Variants in RBFOX1 observed in about 807,000 individuals in gnomAD.
The protein encoded by RBFOX1 is RNA binding protein fox-1 homolog 1.
RBFOX1 carries 8 observed loss-of-function variants against 57.7 expected under a neutral mutation model. That is an observed-to-expected ratio of 0.14 (90% CI 0.08 to 0.25). The LOEUF is 0.25. RBFOX1 is among the 10% of genes least tolerant of loss of function. The probability of loss-of-function intolerance (pLI) is 1.00; values close to 1 mark genes in which losing one functional copy is unlikely to be tolerated. For missense variants in RBFOX1, 611 were observed against 548.5 expected, an observed-to-expected ratio of 1.11 and a Z score of -1.14; for synonymous variants, 326 against 222.4, an observed-to-expected ratio of 1.47 and a Z score of -4.15.
chr16:5,634,345 C>G (rs1386842897), intron 3 of RBFOX1, among the ~76,000 whole-genome samples: 3 of 152,108 alleles, frequency 2.0e-5, no homozygotes, highest in Admixed American at 6.5e-5. Flanking sequence ...AATTAAAGTA[C>G]TGATACAAGT....
At chr16:6,900,634 C>T (rs1171706949) in intron 3 of RBFOX1, among the ~76,000 whole-genome samples, 2 of 152,188 alleles carry the variant, frequency 1.3e-5, no homozygotes, top group African/African-American at 2.4e-5. Context: ...TTCCCTCTGC[C>T]TGGAATTCTA....
At chr16:7,314,286 C>T (rs866905616) in intron 4 of RBFOX1, among the ~76,000 whole-genome samples, 45 of 152,184 alleles carry the variant, frequency 3.0e-4, no homozygotes, top group African/African-American at 9.9e-4. Flanking sequence ...TTATACACCC[C>T]GCACCACTGC....
chr16:6,961,145 C>CACATACACACACACACACACA, intron 3 of RBFOX1, among the ~76,000 whole-genome samples: 1 of 143,772 alleles, frequency 7.0e-6, no homozygotes, highest in East Asian at 2.0e-4. Context: ...TCACACACAC[C>CACATACACACACACACACACA]CACACAGACA....
chr16:6,944,581 G>A (rs2079137019), intron 3 of RBFOX1, among the ~76,000 whole-genome samples: 1 of 152,086 alleles, frequency 6.6e-6, no homozygotes, highest in Non-Finnish European at 1.5e-5. Context: ...TACATTAAGA[G>A]ACTGGGTCTC....
At chr16:6,002,499 ATCT>A (rs1402105094) in intron 4 of RBFOX1, among the ~76,000 whole-genome samples, 3 of 152,162 alleles carry the variant, frequency 2.0e-5, no homozygotes, top group African/African-American at 7.2e-5. Flanking sequence ...AAAACAGGAA[ATCT>A]TCTTTGCCCA....
intron 4 of RBFOX1, among the ~76,000 whole-genome samples, chr16:5,897,379 T>C (rs1421733732): frequency 2.0e-5 from 3 of 152,192 alleles, no homozygotes; most frequent in Non-Finnish European, 4.4e-5. Context: ...TCTGCTTTCT[T>C]TTCTCTGCAT....
intron 1 of RBFOX1, among the ~76,000 whole-genome samples, chr16:5,443,638 C>T (rs1236942685): frequency 1.3e-5 from 2 of 152,194 alleles, no homozygotes; most frequent in East Asian, 1.9e-4. Flanking sequence ...CCACACCTGG[C>T]CCATCTGAAT....
intron 3 of RBFOX1, among the ~76,000 whole-genome samples, chr16:6,912,005 A>C (rs1349322336): frequency 6.6e-6 from 1 of 152,214 alleles, no homozygotes; most frequent in African/African-American, 2.4e-5. Flanking sequence ...TAAGTAGAGT[A>C]AGATGCATTC....
chr16:6,778,772 C>T (rs182172886), intron 3 of RBFOX1, among the ~76,000 whole-genome samples: 39 of 151,968 alleles, frequency 2.6e-4, no homozygotes, highest in Admixed American at 2.0e-3. Context: ...TCTTGTTTAT[C>T]GCACACAATA....
intron 12 of RBFOX1, among the ~76,000 whole-genome samples, chr16:7,659,230 G>A (rs2067087828): frequency 6.6e-6 from 1 of 152,162 alleles, no homozygotes; most frequent in African/African-American, 2.4e-5. Context: ...CAGTATCCCA[G>A]GAGAAAACTT....
chr16:5,998,078 T>G (rs1338070996), intron 4 of RBFOX1, among the ~76,000 whole-genome samples: 1 of 152,220 alleles, frequency 6.6e-6, no homozygotes, highest in Admixed American at 6.5e-5. Context: ...CATTTGAGTT[T>G]CAAGACTGTA....
At chr16:7,217,143 C>T (rs1004241596) in intron 4 of RBFOX1, among the ~76,000 whole-genome samples, 26 of 149,578 alleles carry the variant, frequency 1.7e-4, no homozygotes, top group African/African-American at 5.9e-4. Context: ...CTTGCTCTGT[C>T]GCTCAGGGTG....
rs1018668233 is a variant in RBFOX1 at position 7,464,783 on chromosome 16, G to T, written c.28-53364G>T. Among the ~76,000 whole-genome samples, 4 of 125,562 alleles carry T rather than the reference G, an allele frequency of 3.2e-5. No homozygotes were observed. The South Asian group carries it at 1.1e-3, about 36-fold the overall frequency. The allele number at this position is 125,562 out of a possible 152,430, so 82.4% of individuals were successfully genotyped here. Reference sequence around the variant, plus strand: ...GTGATCTCGGCTCACTTCAAGCTCCGCCTCCCAGGTTCACGCCATTCTCCT... The same window carrying T: ...GTGATCTCGGCTCACTTCAAGCTCCTCCTCCCAGGTTCACGCCATTCTCCT... On this transcript the variant is annotated intron_variant, in intron 4 of 15. Coordinates refer to ENST00000550418, the MANE Select transcript of RBFOX1 (RefSeq NM_018723.4).
At chr16:6,258,067 C>A (rs143300895) in intron 1 of RBFOX1, among the ~76,000 whole-genome samples, 1 of 152,178 alleles carries the variant, frequency 6.6e-6, no homozygotes. Context: ...CCCTTTGTGT[C>A]CGCATGATGT....
chr16:7,674,807 G>A (rs2072773281), intron 13 of RBFOX1, among the ~76,000 whole-genome samples: 1 of 152,128 alleles, frequency 6.6e-6, no homozygotes, highest in Non-Finnish European at 1.5e-5. Context: ...TTGCACCGCA[G>A]CAATTCTTCC....
chr16:6,638,767 C>T (rs1327504960), intron 2 of RBFOX1, among the ~76,000 whole-genome samples: 1 of 152,152 alleles, frequency 6.6e-6, no homozygotes, highest in Non-Finnish European at 1.5e-5. Flanking sequence ...TATTGTAACT[C>T]CATGCTGGTT....
At chr16:6,504,075 G>T (rs768813203) in intron 2 of RBFOX1, among the ~76,000 whole-genome samples, 9 of 152,010 alleles carry the variant, frequency 5.9e-5, no homozygotes, top group African/African-American at 2.4e-5. Context: ...TTGCTTTTTG[G>T]TTCTTTTTTG....
chr16:7,037,701 C>T (rs1411011587), intron 3 of RBFOX1, among the ~76,000 whole-genome samples: 1 of 152,214 alleles, frequency 6.6e-6, no homozygotes, highest in East Asian at 1.9e-4. Flanking sequence ...CTGTGGGGCA[C>T]ATGGGTAGAC....
chr16:6,054,750 G>A (rs1295848041), intron 1 of RBFOX1, among the ~76,000 whole-genome samples: 3 of 152,022 alleles, frequency 2.0e-5, no homozygotes, highest in East Asian at 1.9e-4. Flanking sequence ...AAGATTCATC[G>A]GTGGATGTTA....
Sources: allele counts gnomAD v4.1 joint callset (sites outside exome capture counted in the v4.1 genomes callset), GRCh38; gene constraint gnomAD v4.1.1; transcripts MANE v1.5; gene names NCBI Gene and HGNC (gene_info 2026-07-23, HGNC 2026-07-21).